BLNK: variants seen among roughly 807,000 people sequenced by gnomAD.
BLNK encodes the protein B cell linker, also known as B-cell linker protein.
BLNK carries 29 observed loss-of-function variants against 73.5 expected under a neutral mutation model. The ratio of observed to expected loss-of-function variants is 0.39; its 90% confidence interval spans 0.29 to 0.54. The LOEUF is 0.54. BLNK is among the 20% of genes least tolerant of loss of function. BLNK has a pLI of 0.61. For missense variants in BLNK, 460 were observed against 562.8 expected (o/e 0.82, Z 1.85); for synonymous variants, 176 against 200.8 (o/e 0.88, Z 1.04).
intron 8 of BLNK, among the ~76,000 whole-genome samples, chr10:96,214,483 G>T (rs142946975): frequency 2.1e-3 from 316 of 152,264 alleles, no homozygotes; most frequent in African/African-American, 7.1e-3. Flanking sequence ...GGACAAGAAG[G>T]TGCAAGGTGG....
chr10:96,244,313 C>T (rs1842970351), intron 2 of BLNK, among the ~76,000 whole-genome samples: 2 of 152,124 alleles, frequency 1.3e-5, no homozygotes, highest in South Asian at 4.2e-4. Context: ...TTTCCAAAAG[C>T]ACAAACCACC....
At chr10:96,220,742 A>AG (rs1233351040) in intron 6 of BLNK, among the ~76,000 whole-genome samples, 1 of 130,432 alleles carries the variant, frequency 7.7e-6, no homozygotes, top group Non-Finnish European at 1.8e-5. Flanking sequence ...TACAGGTATT[A>AG]GAAATCCTTC....
chr10:96,258,201 G>A (rs1843600670), intron 1 of BLNK, among the ~76,000 whole-genome samples: 1 of 152,214 alleles, frequency 6.6e-6, no homozygotes, highest in South Asian at 2.1e-4. Flanking sequence ...TCCTTCTGGG[G>A]AGTGAGCTCA....
chr10:96,198,950 C>T (rs1007760169), intron 15 of BLNK, among the ~76,000 whole-genome samples: 1 of 152,212 alleles, frequency 6.6e-6, no homozygotes, highest in African/African-American at 2.4e-5. Flanking sequence ...CCACTCACCT[C>T]GGCCCCCCAA....
chr10:96,195,582 C>A (rs2083444978), intron 16 of BLNK, among the ~76,000 whole-genome samples: 1 of 152,108 alleles, frequency 6.6e-6, no homozygotes, highest in Non-Finnish European at 1.5e-5. Context: ...CTGTGTGATT[C>A]CACTTGTATG....
At chr10:96,196,804 T>A in intron 16 of BLNK, 104 bp downstream of exon 16, 1 of 1,140,888 alleles carries the variant, frequency 8.8e-7, no homozygotes, top group Non-Finnish European at 1.3e-6. Context: ...TTAGAACAAG[T>A]ACTTTTGTAT....
At chr10:96,270,184 T>C (rs1554915261) in intron 1 of BLNK, among the ~76,000 whole-genome samples, 1 of 152,244 alleles carries the variant, frequency 6.6e-6, no homozygotes, top group African/African-American at 2.4e-5. Context: ...TGATGTTGCC[T>C]ACTGATCCCA....
intron 9 of BLNK, among the ~76,000 whole-genome samples, chr10:96,209,512 C>T (rs2083898716): frequency 6.6e-6 from 1 of 152,192 alleles, no homozygotes; most frequent in Non-Finnish European, 1.5e-5. Context: ...CCTGCCTCAG[C>T]CTCCCAAGTA....
At chr10:96,269,077 GT>G (rs1205978027) in intron 1 of BLNK, among the ~76,000 whole-genome samples, 15 of 152,140 alleles carry the variant, frequency 9.9e-5, no homozygotes, top group African/African-American at 3.6e-4. Context: ...AGCCCATTGA[GT>G]TTACAATTTC....
intron 12 of BLNK, chr10:96,204,318 T>G: frequency 1.4e-6 from 1 of 704,258 alleles, no homozygotes; most frequent in Non-Finnish European, 2.4e-6. Context: ...TGTATTTTAG[T>G]CAAGTTCAAT....
At chr10:96,194,694 C>T (rs2083413512) in intron 16 of BLNK, among the ~76,000 whole-genome samples, 1 of 151,108 alleles carries the variant, frequency 6.6e-6, no homozygotes, top group African/African-American at 2.4e-5. Context: ...AGACATTTCT[C>T]TGAAAATGAC....
At chr10:96,254,096 G>C (rs1554910195) in intron 1 of BLNK, among the ~76,000 whole-genome samples, 1 of 151,678 alleles carries the variant, frequency 6.6e-6, no homozygotes, top group Non-Finnish European at 1.5e-5. Flanking sequence ...CCCCTTCTAG[G>C]CTAAGTTTAA....
chr10:96,216,285 C>A, intron 7 of BLNK: 1 of 267,820 alleles, frequency 3.7e-6, no homozygotes, highest in South Asian at 5.7e-5. Context: ...CACTCCTCTG[C>A]AGAAACTGTT....
At chr10:96,225,693 A>C (rs1842222580) in intron 5 of BLNK, among the ~76,000 whole-genome samples, 1 of 147,466 alleles carries the variant, frequency 6.8e-6, no homozygotes, top group Non-Finnish European at 1.5e-5. Context: ...CCCAGGCTGG[A>C]GTGCAGTGGT....
chr10:96,206,807 AT>A (rs2133975213), intron 11 of BLNK, among the ~76,000 whole-genome samples: 1 of 152,352 alleles, frequency 6.6e-6, no homozygotes, highest in African/African-American at 2.4e-5. Flanking sequence ...AGGTTTTTGC[AT>A]GCATTCTGTA....
chr10:96,189,698 A>AAATC lies in BLNK; in HGVS notation c.*2274_*2275insGATT. The AAATC allele has an allele frequency of 1.5e-6, 1 of 655,362 alleles. No homozygotes were observed. The highest frequency in any genetic ancestry group is 1.5e-5 in the South Asian group (1 of 68,028). 40.6% of individuals were successfully genotyped at this position (655,362 alleles called of 1,614,324 possible). On this transcript the variant is annotated 3_prime_UTR_variant, in exon 17 of 17. Transcript: ENST00000224337. Reference sequence around the variant, plus strand: ...TTTTCTTCAGTTTCCTCATCATCAAAATCATCATCATCATCATCATCATCA... The same window carrying AAATC: ...TTTTCTTCAGTTTCCTCATCATCAAAAATCATCATCATCATCATCATCATCATCA...
intron 6 of BLNK, among the ~76,000 whole-genome samples, chr10:96,218,659 A>G (rs2134007319): frequency 6.7e-6 from 1 of 149,516 alleles, no homozygotes; most frequent in East Asian, 2.0e-4. Flanking sequence ...GCGCTTGGCA[A>G]CAGAATGAGA....
At chr10:96,224,376 G>A (rs2084271692) in intron 5 of BLNK, among the ~76,000 whole-genome samples, 1 of 152,328 alleles carries the variant, frequency 6.6e-6, no homozygotes, top group African/African-American at 2.4e-5. Context: ...GCCTGGCAAC[G>A]TTTGAACTCC....
intron 1 of BLNK, among the ~76,000 whole-genome samples, chr10:96,255,396 T>A (rs542535836): frequency 1.2e-4 from 19 of 152,348 alleles, no homozygotes; most frequent in East Asian, 3.9e-4. Flanking sequence ...AGTACTTTTT[T>A]AAAAAGTTTA....
Sources: gnomAD v4.1 joint callset for allele counts (sites outside exome capture counted in the v4.1 genomes callset) on GRCh38, gnomAD v4.1.1 for gene constraint, MANE v1.5 for transcripts, NCBI Gene and HGNC (gene_info 2026-07-23, HGNC 2026-07-21) for gene names.